DNAJC17: variants seen among roughly 807,000 people sequenced by gnomAD.
DNAJC17 encodes the protein dnaJ homolog subfamily C member 17.
In DNAJC17, 35 loss-of-function variants were observed where a neutral mutation model predicts 48.1. The observed-to-expected ratio is 0.73, with a 90% CI of 0.56 to 0.96. The LOEUF is 0.96. DNAJC17 is among the 50% of genes least tolerant of loss of function. The probability of loss-of-function intolerance (pLI) is 0.00; values close to 1 mark genes in which losing one functional copy is unlikely to be tolerated. For synonymous variants in DNAJC17, 117 were observed against 142.7 expected, an observed-to-expected ratio of 0.82 and a Z score of 1.28; for missense variants, 355 against 377.1, an observed-to-expected ratio of 0.94 and a Z score of 0.48.
At position 40,779,248 on chromosome 15, in the gene DNAJC17, A is replaced by G; in HGVS notation, c.270T>C (p.Asp90=). 3.1e-6 allele frequency: 5 copies of G among 1,614,008 alleles called. No individual in the cohort carries two copies. Among genetic ancestry groups the G allele is most frequent in the Non-Finnish European group, 4.2e-6 (5 of 1,179,996 alleles). The change falls in exon 4 of 11, where the codon GAT becomes GAC. Residue 90 remains aspartate, a synonymous_variant. Coordinates refer to ENST00000220496, the MANE Select transcript of DNAJC17 (RefSeq NM_018163.3). ...KQAAERTQKL[D]EKRKKVKLDL... The stretch of plus-strand genomic sequence containing the variant: ...CAAGCTTCACTTTCTTCCTTTTCTC[A>G]TCAAGTTTCTGGGTCCTCTCTGCTG...
chr15:40,792,596 C>T, intron 1 of DNAJC17: 3 of 912,826 alleles, frequency 3.3e-6, no homozygotes, highest in Non-Finnish European at 3.9e-6. Context: ...AGGAGGACTG[C>T]TTGAGCCCAG....
chr15:40,786,256 GAACTTTCAGA>G (rs71898032), intron 1 of DNAJC17, among the ~76,000 whole-genome samples: 4,963 of 152,264 alleles, frequency 0.033, 263 homozygotes, highest in African/African-American at 0.11. Context: ...GGAAGGAGAG[GAACTTTCAGA>G]AGAACAAGAA....
chr15:40,775,202 C>A, intron 7 of DNAJC17, 94 bp from the exon 8 acceptor site: 1 of 1,314,452 alleles, frequency 7.6e-7, no homozygotes, highest in East Asian at 2.3e-5. Context: ...TCCTCCCACC[C>A]TCCAAGCCTC....
chr15:40,779,405 A>AGTG (rs1347979011), intron 3 of DNAJC17, 95 bp from the exon 4 acceptor site: 1 of 1,555,686 alleles, frequency 6.4e-7, no homozygotes, highest in African/African-American at 1.4e-5. Flanking sequence ...GAGCCATCAG[A>AGTG]GTGGCAGCCT....
chr15:40,794,810 C>T (rs1213655898), intron 1 of DNAJC17, among the ~76,000 whole-genome samples: 4 of 152,034 alleles, frequency 2.6e-5, no homozygotes, highest in African/African-American at 7.2e-5. Context: ...CTCTGCCTTC[C>T]GGGTTCAAGT....
At chr15:40,775,176 A>G in intron 7 of DNAJC17, 68 bp from the exon 8 acceptor site, 1 of 1,541,630 alleles carries the variant, frequency 6.5e-7, no homozygotes, top group Non-Finnish European at 9.0e-7. Context: ...ACTGAGCTTG[A>G]CAGTCTGAGC....
At chr15:40,804,138 T>A (rs1461967141) in intron 1 of DNAJC17, among the ~76,000 whole-genome samples, 1 of 151,656 alleles carries the variant, frequency 6.6e-6, no homozygotes, top group African/African-American at 2.4e-5. Context: ...AGCTTTTTTT[T>A]TTATATATAG....
At chr15:40,797,396 G>T (rs2141962170) in intron 1 of DNAJC17, among the ~76,000 whole-genome samples, 1 of 151,982 alleles carries the variant, frequency 6.6e-6, no homozygotes, top group East Asian at 1.9e-4. Flanking sequence ...TCATAAAGTA[G>T]GGACTCAAAC....
chr15:40,773,331 T>A (rs1180632652), intron 10 of DNAJC17, among the ~76,000 whole-genome samples: 1 of 151,934 alleles, frequency 6.6e-6, no homozygotes, highest in Admixed American at 6.6e-5. Flanking sequence ...CAGAGACACA[T>A]CCAGAAAACT....
Position 40,767,392 on chromosome 15 carries a change from G to T in DNAJC17, c.*548C>A. 1 of 1,554,170 alleles carries T rather than the reference G, an allele frequency of 6.4e-7. No homozygotes were observed. The highest frequency in any genetic ancestry group is 8.7e-7 in the Non-Finnish European group (1 of 1,151,524). The stretch of plus-strand genomic sequence containing the variant: ...GCAGACGGGGCACCCCTGTGGAGGG[G>T]CTGCTGTGGGCCCTGACCTCCAAGC... On this transcript the variant is annotated 3_prime_UTR_variant, in exon 11 of 11. Transcript: ENST00000220496.
rs144574633 is a variant in DNAJC17, at chr15:40,800,476, T to G, written c.78+6893A>C. 2.7e-3 allele frequency among the ~76,000 whole-genome samples: 405 copies of G among 151,972 alleles called. 3 individuals are homozygous for G. The highest frequency in any genetic ancestry group is 9.5e-3 in the African/African-American group (392 of 41,472). On this transcript the variant is annotated intron_variant, in intron 1 of 10. Transcript: ENST00000220496. ...TCTTTGGGGAAATGTCTATTGAGATTGTCTTTTTCTTTTTTTTTTTTTAAT... is the reference window on the plus strand; with the variant it reads ...TCTTTGGGGAAATGTCTATTGAGATGGTCTTTTTCTTTTTTTTTTTTTAAT...
chr15:40,788,452 T>G (rs2141956849), intron 1 of DNAJC17, among the ~76,000 whole-genome samples: 1 of 152,002 alleles, frequency 6.6e-6, no homozygotes, highest in East Asian at 1.9e-4. Flanking sequence ...ATCCCAGCAC[T>G]TTGGGAGGCC....
In DNAJC17 at chr15:40,776,084, G is replaced by C. The variant is rs921337370; in HGVS notation, c.478+112C>G. 8 of 954,212 alleles carry C rather than the reference G, an allele frequency of 8.4e-6. No homozygotes were observed. The African/African-American group carries it at 1.3e-4, about 16-fold the overall frequency. The allele number at this position is 954,212 out of a possible 1,614,324, so 59.1% of individuals were successfully genotyped here. A position where few individuals can be genotyped will look rare whatever the true frequency, so the allele number is the denominator to read the frequency against. On this transcript the variant is annotated intron_variant, in intron 6 of 10. Coordinates refer to ENST00000220496, the MANE Select transcript of DNAJC17 (RefSeq NM_018163.3). ...GTAAGGTACCATAGGGTGACCCCAG[G>C]GTTCCAGCAGGTAGAAGCCTCCACA...
At chr15:40,793,951 A>T (rs554661178) in intron 1 of DNAJC17, among the ~76,000 whole-genome samples, 7 of 152,318 alleles carry the variant, frequency 4.6e-5, no homozygotes, top group Admixed American at 2.6e-4. Context: ...ATAACTGCTA[A>T]TAAGTACAAA....
intron 8 of DNAJC17, 107 bp downstream of exon 8, chr15:40,774,921 AAGC>A: frequency 1.7e-6 from 2 of 1,161,394 alleles, no homozygotes; most frequent in African/African-American, 1.6e-5. Flanking sequence ...CAGAAAAAAA[AAGC>A]AAGTAGATAT....
At chr15:40,794,024 C>A (rs1165989572) in intron 1 of DNAJC17, among the ~76,000 whole-genome samples, 1 of 152,190 alleles carries the variant, frequency 6.6e-6, no homozygotes, top group Non-Finnish European at 1.5e-5. Context: ...CTATTCTCAA[C>A]ACATGGTAGA....
chr15:40,786,951 A>T (rs1889659199), intron 1 of DNAJC17, among the ~76,000 whole-genome samples: 1 of 152,222 alleles, frequency 6.6e-6, no homozygotes, highest in Non-Finnish European at 1.5e-5. Flanking sequence ...CAGAACATCA[A>T]CTACTGAATA....
At chr15:40,774,922 A>AT in intron 8 of DNAJC17, 109 bp downstream of exon 8, 1 of 1,162,794 alleles carries the variant, frequency 8.6e-7, no homozygotes, top group East Asian at 2.4e-5. Context: ...AGAAAAAAAA[A>AT]GCAAGTAGAT....
At chr15:40,787,919 T>A (rs1452619461) in intron 1 of DNAJC17, among the ~76,000 whole-genome samples, 1 of 152,200 alleles carries the variant, frequency 6.6e-6, no homozygotes, top group African/African-American at 2.4e-5. Flanking sequence ...TTTTAAAAGG[T>A]TGCTGTCCTT....
Sources: allele counts gnomAD v4.1 joint callset (sites outside exome capture counted in the v4.1 genomes callset), GRCh38; gene constraint gnomAD v4.1.1; transcripts MANE v1.5; gene names NCBI Gene and HGNC (gene_info 2026-07-23, HGNC 2026-07-21).